Variants in ZNF560 observed in about 807,000 individuals in gnomAD.
The protein encoded by ZNF560 is zinc finger protein 560.
A neutral mutation model predicts 81.8 loss-of-function variants in ZNF560; 54 were observed. The ratio of observed to expected loss-of-function variants is 0.66; its 90% CI spans 0.53 to 0.83. The LOEUF (loss-of-function observed/expected upper bound fraction) is 0.83. Ranked by LOEUF, ZNF560 falls within the 40% of genes least tolerant of loss-of-function variation. The probability of loss-of-function intolerance (pLI) is 0.00; values close to 1 mark genes in which losing one functional copy is unlikely to be tolerated. For missense variants in ZNF560, 940 were observed against 932.4 expected (o/e 1.01, Z -0.11); for synonymous variants, 321 against 317.9 (o/e 1.01, Z -0.10).
chr19:9,477,621 A>G (rs1489121697), intron 2 of ZNF560, among the ~76,000 whole-genome samples: 2 of 152,244 alleles, frequency 1.3e-5, no homozygotes, highest in Non-Finnish European at 2.9e-5. Flanking sequence ...AAACATGCAG[A>G]GCAGCAATCG....
Position 9,467,276 on chromosome 19 carries a change from T to G in ZNF560, c.1671A>C (p.Ser557=). 2 of 1,614,144 alleles carry G rather than the reference T, an allele frequency of 1.2e-6. No individual in the cohort carries two copies. Among genetic ancestry groups the G allele is most frequent in the South Asian group, 1.1e-5 (1 of 91,080 alleles). Residue 557 remains serine, a synonymous_variant, in exon 10 of 10, where the codon TCA becomes TCC. Coordinates refer to ENST00000301480, the MANE Select transcript of ZNF560 (RefSeq NM_152476.3). The part of the protein sequence containing the change: ...KKCGKAFTKC[S]YLTKHLRTHA... ...GTGTTCGTAAATGTTTGGTAAGATA[T>G]GAGCACTTAGTGAAAGCTTTACCAC...
chr19:9,488,160 G>C (rs1045945123), intron 2 of ZNF560, among the ~76,000 whole-genome samples: 1 of 152,102 alleles, frequency 6.6e-6, no homozygotes, highest in Admixed American at 6.6e-5. Flanking sequence ...ATAAAGCAAG[G>C]CTGCTGTTTG....
the ZNF560 span, among the ~76,000 whole-genome samples, chr19:9,451,787 G>A: frequency 1.3e-5 from 2 of 152,026 alleles, no homozygotes; most frequent in African/African-American, 4.8e-5. Context: ...TAAAAAATGG[G>A]CAAATGGTTT....
At chr19:9,494,145 A>G (rs1320562066) in intron 2 of ZNF560, among the ~76,000 whole-genome samples, 1 of 151,858 alleles carries the variant, frequency 6.6e-6, no homozygotes, top group Admixed American at 6.6e-5. Context: ...AAAAAAAAAA[A>G]AAAAGAAATT....
intron 9 of ZNF560, 45 bp downstream of exon 9, chr19:9,469,060 C>A: frequency 6.9e-7 from 1 of 1,449,708 alleles, no homozygotes; most frequent in South Asian, 1.3e-5. Flanking sequence ...CAATACCAGT[C>A]TTCTCTGAAT....
At chr19:9,455,351 T>A in the ZNF560 span, among the ~76,000 whole-genome samples, 2 of 152,180 alleles carry the variant, frequency 1.3e-5, no homozygotes. Context: ...TCCTGCTCAG[T>A]TTTTACAGTT....
intron 2 of ZNF560, among the ~76,000 whole-genome samples, chr19:9,477,142 C>G (rs1166968823): frequency 6.6e-6 from 1 of 151,824 alleles, no homozygotes; most frequent in Non-Finnish European, 1.5e-5. Context: ...TTAATAACAC[C>G]AACTGCCATT....
chr19:9,480,979 G>C (rs918303796), intron 2 of ZNF560, among the ~76,000 whole-genome samples: 2 of 151,706 alleles, frequency 1.3e-5, no homozygotes, highest in African/African-American at 4.8e-5. Context: ...AGCTATTCAG[G>C]AGGCTGAGGT....
chr19:9,465,402 T>G (rs1341731408), downstream of ZNF560, among the ~76,000 whole-genome samples: 1 of 152,198 alleles, frequency 6.6e-6, no homozygotes, highest in Non-Finnish European at 1.5e-5. Context: ...CCTTCCAAAG[T>G]GCTGAGATTA....
chr19:9,505,350 G>T, the ZNF560 span, among the ~76,000 whole-genome samples: 1 of 152,170 alleles, frequency 6.6e-6, no homozygotes, highest in African/African-American at 2.4e-5. Context: ...TCTTTTGGTT[G>T]CTATTTGCAT....
At chr19:9,502,563 T>C (rs1235680951), upstream of ZNF560, among the ~76,000 whole-genome samples, 9 of 152,224 alleles carry the variant, frequency 5.9e-5, no homozygotes, top group East Asian at 1.9e-4. Flanking sequence ...GATTACTCTT[T>C]AAATGTTTAG....
intron 2 of ZNF560, among the ~76,000 whole-genome samples, chr19:9,494,915 C>A (rs1001594277): frequency 2.7e-5 from 4 of 149,218 alleles, no homozygotes; most frequent in Non-Finnish European, 4.5e-5. Context: ...CAAAAAAAAA[C>A]AAACAAACAA....
At chr19:9,501,182 T>TG, upstream of ZNF560, among the ~76,000 whole-genome samples, 1 of 132,880 alleles carries the variant, frequency 7.5e-6, no homozygotes, top group African/African-American at 3.0e-5. Flanking sequence ...TTTTTTGAGA[T>TG]GGAGTCTCAC....
chr19:9,500,791 G>T (rs1020474717), upstream of ZNF560, among the ~76,000 whole-genome samples: 1 of 151,986 alleles, frequency 6.6e-6, no homozygotes, highest in African/African-American at 2.4e-5. Flanking sequence ...TGGCCAGGCT[G>T]GTCTCCAACT....
upstream of ZNF560, among the ~76,000 whole-genome samples, chr19:9,502,920 C>T (rs770947151): frequency 9.2e-5 from 14 of 152,156 alleles, no homozygotes; most frequent in Non-Finnish European, 2.1e-4. Context: ...CATTGATTCT[C>T]ATTGAATAGA....
intron 2 of ZNF560, among the ~76,000 whole-genome samples, chr19:9,476,140 T>C (rs901234688): frequency 6.6e-6 from 1 of 152,154 alleles, no homozygotes; most frequent in Non-Finnish European, 1.5e-5. Flanking sequence ...GGTGTGGCTC[T>C]GTGTCCCCAC....
At chr19:9,503,686 C>T in the ZNF560 span, among the ~76,000 whole-genome samples, 1 of 152,150 alleles carries the variant, frequency 6.6e-6, no homozygotes, top group Admixed American at 6.6e-5. Flanking sequence ...AGGCACATGC[C>T]ACCATACCCA....
chr19:9,482,779 C>G (rs1283085974), intron 2 of ZNF560, among the ~76,000 whole-genome samples: 1 of 152,142 alleles, frequency 6.6e-6, no homozygotes, highest in Non-Finnish European at 1.5e-5. Flanking sequence ...TCTCCTGCCT[C>G]AGCCTGCCGA....
chr19:9,475,326 C>T lies in ZNF560; in HGVS notation c.-13G>A. On this transcript the variant is annotated 5_prime_UTR_variant, in exon 3 of 10. Coordinates refer to ENST00000301480, the MANE Select transcript of ZNF560 (RefSeq NM_152476.3). The stretch of plus-strand genomic sequence containing the variant: ...GGCAGTAAGCCATCTTCCTTTCTGC[C>T]TCTGTCTTTTCTTCATGAAGGCAGA... 10 of 1,613,602 alleles carry T rather than the reference C, an allele frequency of 6.2e-6. No individual in the cohort carries two copies. The highest frequency in any genetic ancestry group is 8.5e-6 in the Non-Finnish European group (10 of 1,179,828).
Sources: gnomAD v4.1 joint callset for allele counts (sites outside exome capture counted in the v4.1 genomes callset) on GRCh38, gnomAD v4.1.1 for gene constraint, MANE v1.5 for transcripts, NCBI Gene and HGNC (gene_info 2026-07-23, HGNC 2026-07-21) for gene names.